Variants in AGPAT5 observed in about 807,000 individuals in gnomAD.
AGPAT5 encodes 1-acylglycerol-3-phosphate O-acyltransferase 5.
AGPAT5 carries 46 observed loss-of-function variants against 45.6 expected under a neutral mutation model. That is an observed-to-expected ratio of 1.01 (90% confidence interval 0.80 to 1.29). AGPAT5 has a LOEUF of 1.29. Ranked by LOEUF, AGPAT5 falls within the 50% of genes most tolerant of loss-of-function variation. The pLI is 0.00. For missense variants in AGPAT5, 673 were observed against 450.7 expected, an observed-to-expected ratio of 1.49 and a Z score of -4.47; for synonymous variants, 272 against 167.0, an observed-to-expected ratio of 1.63 and a Z score of -4.85.
At chr8:6,739,713 A>G (rs1445964782) in intron 4 of AGPAT5, among the ~76,000 whole-genome samples, 4 of 152,020 alleles carry the variant, frequency 2.6e-5, no homozygotes, top group African/African-American at 7.2e-5. Flanking sequence ...TAACAGTTTT[A>G]CTTTGTCCTT....
At chr8:6,716,172 A>G (rs1407329381) in intron 1 of AGPAT5, among the ~76,000 whole-genome samples, 1 of 152,220 alleles carries the variant, frequency 6.6e-6, no homozygotes, top group Non-Finnish European at 1.5e-5. Context: ...GCATATTTTA[A>G]TGTATGGATC....
At chr8:6,722,471 T>G (rs985337813) in intron 1 of AGPAT5, among the ~76,000 whole-genome samples, 1 of 152,202 alleles carries the variant, frequency 6.6e-6, no homozygotes, top group Non-Finnish European at 1.5e-5. Flanking sequence ...AAATGAAGAA[T>G]ATATATTTTT....
intron 4 of AGPAT5, among the ~76,000 whole-genome samples, chr8:6,733,367 A>C (rs561034902): frequency 2.6e-4 from 40 of 152,174 alleles, no homozygotes; most frequent in Admixed American, 7.9e-4. Context: ...TCCCCTCACC[A>C]GGGGTCCTGG....
intron 1 of AGPAT5, among the ~76,000 whole-genome samples, chr8:6,722,282 G>C (rs924683402): frequency 6.6e-6 from 1 of 152,128 alleles, no homozygotes; most frequent in Non-Finnish European, 1.5e-5. Flanking sequence ...TCCTGTATCT[G>C]CTGTGTCTCA....
chr8:6,745,203 G>T (rs1212371442), intron 5 of AGPAT5: 1 of 154,264 alleles, frequency 6.5e-6, no homozygotes. Flanking sequence ...GAAAACTTTG[G>T]AGAAAAATTT....
chr8:6,739,817 C>T (rs1801181993), intron 4 of AGPAT5, among the ~76,000 whole-genome samples: 2 of 152,002 alleles, frequency 1.3e-5, no homozygotes, highest in African/African-American at 4.8e-5. Flanking sequence ...GAGGGAAATC[C>T]TTTCCATATT....
rs149178261 is a variant in AGPAT5, at chr8:6,734,227, G to A, written c.495+1577G>A. On this transcript the variant is annotated intron_variant, in intron 4 of 7. Coordinates refer to ENST00000285518, the MANE Select transcript of AGPAT5 (RefSeq NM_018361.5). ...TTGGTTCATTTCTCGCTGTTCTTTA[G>A]TTCTTAGATGCATTATTCGTTTTTT... is the stretch of plus-strand genomic sequence containing the variant. 1.6e-3 allele frequency among the ~76,000 whole-genome samples: 243 copies of A among 150,712 alleles called. 1 individual carries two copies. The highest frequency in any genetic ancestry group is 6.8e-3 in the Middle Eastern group (2 of 294).
intron 6 of AGPAT5, among the ~76,000 whole-genome samples, chr8:6,753,490 C>G (rs1456106808): frequency 1.3e-5 from 2 of 152,162 alleles, no homozygotes; most frequent in African/African-American, 4.8e-5. Flanking sequence ...GTGGCTAAAA[C>G]ACTATAATAG....
At chr8:6,743,829 T>C (rs998424751) in intron 5 of AGPAT5, among the ~76,000 whole-genome samples, 1 of 152,004 alleles carries the variant, frequency 6.6e-6, no homozygotes, top group Admixed American at 6.5e-5. Flanking sequence ...GGTGACATAC[T>C]TAAGCTTTTT....
intron 2 of AGPAT5, among the ~76,000 whole-genome samples, chr8:6,725,545 G>T (rs1317721640): frequency 6.6e-6 from 1 of 152,140 alleles, no homozygotes; most frequent in African/African-American, 2.4e-5. Context: ...TTTGCAAAAA[G>T]AGTACATTGT....
At position 6,760,436 on chromosome 8, in the gene AGPAT5, C is replaced by T. The variant is rs1268126665; in HGVS notation, c.*3048C>T. Among the ~76,000 whole-genome samples the T allele has an allele frequency of 6.6e-6, 1 of 151,936 alleles. No individual in the cohort carries two copies. Among genetic ancestry groups the T allele is most frequent in the Non-Finnish European group, 1.5e-5 (1 of 68,004 alleles). On this transcript the variant is annotated 3_prime_UTR_variant, in exon 8 of 8. Coordinates refer to ENST00000285518, the MANE Select transcript of AGPAT5 (RefSeq NM_018361.5). ...AGGAAATATAGAAATATAAAATTTG[C>T]TTATTATAGACACACAGTAACTCCC...
rs530859671 is a variant in AGPAT5 at position 6,732,629 on chromosome 8, C to A, written c.474C>A (p.Ser158Arg). The A allele has an allele frequency of 8.3e-5, 133 of 1,610,624 alleles. 1 individual carries two copies. In the South Asian group the frequency reaches 1.4e-3, roughly 17 times the overall value. Reference sequence around the variant, plus strand: ...AAGAGATGCGAAACAAGTTGCAGAGCTACGTGGACGCAGGAACTCCAGTAA... The same window carrying A: ...AAGAGATGCGAAACAAGTTGCAGAGATACGTGGACGCAGGAACTCCAGTAA... ...NEKEMRNKLQSYVDAGTPMYL... is the reference protein window; with the variant it reads ...NEKEMRNKLQRYVDAGTPMYL... Residue 158 changes from serine (S) to arginine (R), a missense_variant, in exon 4 of 8, where the codon AGC becomes AGA. Ser to Arg is a moderately radical substitution (Grantham distance 110). Coordinates refer to ENST00000285518, the MANE Select transcript of AGPAT5 (RefSeq NM_018361.5).
At chr8:6,718,304 C>A (rs1299170346) in intron 1 of AGPAT5, among the ~76,000 whole-genome samples, 1 of 152,176 alleles carries the variant, frequency 6.6e-6, no homozygotes, top group African/African-American at 2.4e-5. Flanking sequence ...GTAGAGCAGA[C>A]ATGCCGCTCC....
At chr8:6,714,042 G>A (rs909775243) in intron 1 of AGPAT5, among the ~76,000 whole-genome samples, 8 of 152,196 alleles carry the variant, frequency 5.3e-5, no homozygotes, top group African/African-American at 1.9e-4. Flanking sequence ...TAGAATTGGA[G>A]AAGGGAGCTT....
chr8:6,739,038 C>T (rs1464998769), intron 4 of AGPAT5, among the ~76,000 whole-genome samples: 2 of 151,638 alleles, frequency 1.3e-5, no homozygotes, highest in Non-Finnish European at 2.9e-5. Context: ...TATAGGTAAC[C>T]ATCACTATAG....
In AGPAT5 at chr8:6,737,631, A is replaced by C. The variant is rs148268611; in HGVS notation, c.496-4030A>C. ...TATGAGCTAGTAAAACTTATGGCAC[A>C]AACATGGAGACTTAACACTTTTTCT... On this transcript the variant is annotated intron_variant, in intron 4 of 7. Transcript: ENST00000285518. Among the ~76,000 whole-genome samples the C allele has an allele frequency of 7.2e-5, 11 of 152,354 alleles. No individual in the cohort carries two copies. The East Asian group carries it at 2.1e-3, about 29-fold the overall frequency.
At chr8:6,727,573 G>A in intron 2 of AGPAT5, among the ~76,000 whole-genome samples, 1 of 152,244 alleles carries the variant, frequency 6.6e-6, no homozygotes, top group South Asian at 2.1e-4. Context: ...TAGAGATGGG[G>A]TTTCACCATG....
chr8:6,711,534 C>G lies in AGPAT5; in HGVS notation c.219+2647C>G, dbSNP rs146200500. ...TTTTTATATTTCACGTAATTTGAGA[C>G]TATTGAAAATCCAGTTAAGTCTCTC... On this transcript the variant is annotated intron_variant, in intron 1 of 7. Coordinates refer to ENST00000285518, the MANE Select transcript of AGPAT5 (RefSeq NM_018361.5). 2.8e-3 allele frequency among the ~76,000 whole-genome samples: 419 copies of G among 152,268 alleles called. 2 individuals are homozygous for G. Among genetic ancestry groups the G allele is most frequent in the African/African-American group, 9.5e-3 (396 of 41,544 alleles).
At chr8:6,757,054 T>C in intron 7 of AGPAT5, 109 bp from the exon 8 acceptor site, 3 of 752,804 alleles carry the variant, frequency 4.0e-6, no homozygotes, top group Non-Finnish European at 6.5e-6. Flanking sequence ...ATCCTTATTT[T>C]CCAGGGACCT....
Sources: allele counts gnomAD v4.1 joint callset (sites outside exome capture counted in the v4.1 genomes callset), GRCh38; gene constraint gnomAD v4.1.1; transcripts MANE v1.5; gene names NCBI Gene and HGNC (gene_info 2026-07-23, HGNC 2026-07-21).